PTPRD: variants seen among roughly 807,000 people sequenced by gnomAD.
PTPRD encodes the protein receptor-type tyrosine-protein phosphatase delta.
PTPRD carries 34 observed loss-of-function variants against 214.5 expected under a neutral mutation model. The ratio of observed to expected loss-of-function variants is 0.16; its 90% CI spans 0.12 to 0.21. PTPRD has a LOEUF of 0.21. Ranked by LOEUF, PTPRD falls within the 10% of genes least tolerant of loss-of-function variation. PTPRD has a pLI of 1.00. For synonymous variants in PTPRD, 1,128 were observed against 845.7 expected (o/e 1.33, Z -5.79); for missense variants, 2,545 against 2,398.7 (o/e 1.06, Z -1.27).
intron 34 of PTPRD, among the ~76,000 whole-genome samples, chr9:8,441,249 C>T (rs1460523932): frequency 6.6e-6 from 1 of 152,014 alleles, no homozygotes; most frequent in African/African-American, 2.4e-5. Flanking sequence ...CAGCCATAAG[C>T]GTGACATAAA....
intron 11 of PTPRD, among the ~76,000 whole-genome samples, chr9:8,758,609 T>C (rs1234785801): frequency 2.0e-5 from 3 of 152,200 alleles, no homozygotes; most frequent in Admixed American, 1.3e-4. Flanking sequence ...TAAGAACTCA[T>C]ACTTTACAGT....
At chr9:9,252,905 A>G (rs1005699501) in intron 9 of PTPRD, among the ~76,000 whole-genome samples, 8 of 152,074 alleles carry the variant, frequency 5.3e-5, no homozygotes, top group Non-Finnish European at 8.8e-5. Flanking sequence ...CCTCTCCTAC[A>G]CTTTCTTTTT....
At chr9:10,324,256 G>A (rs573605617) in intron 3 of PTPRD, among the ~76,000 whole-genome samples, 35 of 152,050 alleles carry the variant, frequency 2.3e-4, no homozygotes, top group African/African-American at 8.2e-4. Context: ...TGCTTTGATA[G>A]CCCACCCCTT....
chr9:9,652,291 GC>G (rs1323556040), intron 7 of PTPRD, among the ~76,000 whole-genome samples: 3 of 152,036 alleles, frequency 2.0e-5, no homozygotes, highest in Admixed American at 6.5e-5. Flanking sequence ...CTTCTACCTT[GC>G]CCATTCTCAC....
At chr9:10,067,276 T>C (rs936270304) in intron 3 of PTPRD, among the ~76,000 whole-genome samples, 2 of 151,958 alleles carry the variant, frequency 1.3e-5, no homozygotes, top group African/African-American at 4.8e-5. Flanking sequence ...CTCCCTTAGC[T>C]GGATTTGATA....
At chr9:10,434,229 A>G (rs966555950) in intron 2 of PTPRD, among the ~76,000 whole-genome samples, 6 of 151,830 alleles carry the variant, frequency 4.0e-5, no homozygotes, top group African/African-American at 1.2e-4. Flanking sequence ...TGCATCACTC[A>G]GTCTCCCATA....
chr9:8,755,058 A>C (rs2093872780), intron 11 of PTPRD, among the ~76,000 whole-genome samples: 1 of 152,154 alleles, frequency 6.6e-6, no homozygotes, highest in African/African-American at 2.4e-5. Context: ...ACACCAGTAC[A>C]TGTTGGGAAG....
intron 7 of PTPRD, among the ~76,000 whole-genome samples, chr9:9,608,158 C>T (rs890599529): frequency 1.3e-5 from 2 of 152,194 alleles, no homozygotes; most frequent in South Asian, 4.1e-4. Flanking sequence ...CATTGATTGA[C>T]ATAAGAATTA....
intron 11 of PTPRD, among the ~76,000 whole-genome samples, chr9:8,884,043 C>G (rs1162330342): frequency 6.6e-6 from 1 of 152,116 alleles, no homozygotes; most frequent in East Asian, 1.9e-4. Flanking sequence ...AATTCTTATT[C>G]CCATTTTATC....
At chr9:9,616,115 G>A (rs1250605470) in intron 7 of PTPRD, among the ~76,000 whole-genome samples, 5 of 152,070 alleles carry the variant, frequency 3.3e-5, no homozygotes, top group African/African-American at 1.2e-4. Flanking sequence ...AATTGATACG[G>A]TAATATACAG....
chr9:9,472,928 T>TA lies in PTPRD; in HGVS notation c.-236-75447dup, dbSNP rs955075253. On this transcript the variant is annotated intron_variant, in intron 8 of 45. Transcript: ENST00000381196. ...ACAAGGTGTAATAATCAAATCAGGA[T>TA]AATTAGCATATCCACACCTCATATA... 3.3e-5 allele frequency among the ~76,000 whole-genome samples: 5 copies of TA among 152,310 alleles called. No individual in the cohort carries two copies. The East Asian group carries it at 9.7e-4, about 29-fold the overall frequency.
chr9:10,212,367 T>G (rs2099521433), intron 3 of PTPRD, among the ~76,000 whole-genome samples: 1 of 152,090 alleles, frequency 6.6e-6, no homozygotes, highest in African/African-American at 2.4e-5. Flanking sequence ...TCTTATATAA[T>G]AAGTAAATTA....
chr9:9,779,769 GT>G (rs2098828342), intron 5 of PTPRD, among the ~76,000 whole-genome samples: 1 of 152,186 alleles, frequency 6.6e-6, no homozygotes, highest in African/African-American at 2.4e-5. Context: ...AGGTTTAAGT[GT>G]TCCCTTTTCT....
At chr9:10,516,107 G>A (rs1158242322) in intron 2 of PTPRD, among the ~76,000 whole-genome samples, 1 of 151,870 alleles carries the variant, frequency 6.6e-6, no homozygotes, top group African/African-American at 2.4e-5. Flanking sequence ...TAGGATTGAT[G>A]GGTCATATGG....
chr9:9,091,728 A>C (rs907024317), intron 10 of PTPRD, among the ~76,000 whole-genome samples: 1 of 152,210 alleles, frequency 6.6e-6, no homozygotes, highest in Non-Finnish European at 1.5e-5. Context: ...AAACTAAACA[A>C]AACCTAACAG....
intron 5 of PTPRD, among the ~76,000 whole-genome samples, chr9:9,898,499 G>T (rs1261852183): frequency 6.6e-6 from 1 of 151,944 alleles, no homozygotes; most frequent in African/African-American, 2.4e-5. Context: ...ACCGCATCAA[G>T]GATTACTTCA....
chr9:9,101,643 C>G lies in PTPRD; in HGVS notation c.-143+81661G>C, dbSNP rs562076296. Among the ~76,000 whole-genome samples the G allele has an allele frequency of 1.1e-3, 171 of 152,206 alleles. 1 individual carries two copies. Among genetic ancestry groups the G allele is most frequent in the African/African-American group, 4.0e-3 (167 of 41,532 alleles). ...AAAAGAATTCTCAAGCGTTAAAAAC[C>G]ATGTCATTATCCACAGACAACTTGA... On this transcript the variant is annotated intron_variant, in intron 10 of 45. Transcript: ENST00000381196.
intron 11 of PTPRD, among the ~76,000 whole-genome samples, chr9:8,933,339 G>GTTTTTTTTTTTTTTT (rs1567089304): frequency 1.5e-4 from 10 of 68,800 alleles, no homozygotes; most frequent in East Asian, 5.9e-4. Context: ...ACAACCTTGA[G>GTTTTTTTTTTTTTTT]GTTTTTTTTT....
chr9:9,056,636 C>T (rs2154398005), intron 10 of PTPRD, among the ~76,000 whole-genome samples: 1 of 152,272 alleles, frequency 6.6e-6, no homozygotes, highest in South Asian at 2.1e-4. Flanking sequence ...ATTTCACTTT[C>T]TTACTGGGCA....
Sources: gnomAD v4.1 joint callset for allele counts (sites outside exome capture counted in the v4.1 genomes callset) on GRCh38, gnomAD v4.1.1 for gene constraint, MANE v1.5 for transcripts, NCBI Gene and HGNC (gene_info 2026-07-23, HGNC 2026-07-21) for gene names.